INTS6L: variants seen among roughly 807,000 people sequenced by gnomAD.
INTS6L encodes the protein integrator complex subunit 6 like.
INTS6L carries 18 observed loss-of-function variants against 64.7 expected under a neutral mutation model. The ratio of observed to expected loss-of-function variants is 0.28; its 90% CI spans 0.19 to 0.41. The LOEUF (loss-of-function observed/expected upper bound fraction) is 0.41, where lower values mean the gene tolerates loss of function less well. INTS6L is among the 10% of genes least tolerant of loss of function. The pLI, the probability that INTS6L is intolerant of heterozygous loss-of-function variation, is 1.00. For missense variants in INTS6L, 533 were observed against 661.0 expected (o/e 0.81, Z 2.12); for synonymous variants, 227 against 235.9 (o/e 0.96, Z 0.34).
chrX:135,540,728 C>CCTT (rs1294788949), intron 2 of INTS6L, among the ~76,000 whole-genome samples: 1 of 107,240 alleles, frequency 9.3e-6, no homozygotes, highest in Non-Finnish European at 1.9e-5. Flanking sequence ...TCCTCCTCCT[C>CCTT]CTCCTCCTCC....
intron 2 of INTS6L, among the ~76,000 whole-genome samples, chrX:135,525,463 A>G: frequency 8.9e-6 from 1 of 112,524 alleles, no homozygotes; most frequent in Admixed American, 9.4e-5. Flanking sequence ...GAAATATCCT[A>G]AGTCTGTAAT....
At chrX:135,555,698 A>AT (rs782610838) in intron 8 of INTS6L, among the ~76,000 whole-genome samples, 21 of 110,867 alleles carry the variant, frequency 1.9e-4, no homozygotes, top group African/African-American at 5.6e-4. Context: ...ATTTAGTAGG[A>AT]TTTTTTTTGA....
At chrX:135,574,496 AT>A (rs374499784) in intron 13 of INTS6L, among the ~76,000 whole-genome samples, 83 of 112,015 alleles carry the variant, frequency 7.4e-4, no homozygotes, top group African/African-American at 2.3e-3. Context: ...AGAATACCTC[AT>A]TTAAATGAAA....
chrX:135,580,980 TG>T, intron 16 of INTS6L, 69 bp from the exon 17 acceptor site: 1 of 740,435 alleles, frequency 1.4e-6, no homozygotes, highest in Non-Finnish European at 1.9e-6. Flanking sequence ...TTACTAAGGA[TG>T]TACAACAATT....
intron 9 of INTS6L, among the ~76,000 whole-genome samples, chrX:135,561,109 G>C (rs1031222209): frequency 1.9e-5 from 2 of 107,390 alleles, no homozygotes; most frequent in Non-Finnish European, 3.9e-5. Context: ...GTACCACCCT[G>C]CCTGGCTAAT....
intron 2 of INTS6L, among the ~76,000 whole-genome samples, chrX:135,533,755 T>C (rs7065439): frequency 0.085 from 9,514 of 112,004 alleles, 660 homozygotes; most frequent in African/African-American, 0.22. Flanking sequence ...CTCCTGTCCA[T>C]GTATGTTTTT....
chrX:135,581,604 A>G lies in INTS6L; in HGVS notation c.2665A>G (p.Ile889Val), dbSNP rs782467522. Residue 889 changes from isoleucine to valine, a missense_variant, in exon 18 of 18, where the codon ATT (isoleucine) becomes GTT (valine). Physicochemically the swap from Ile to Val is conservative, Grantham distance 29. Transcript: ENST00000639893. The stretch of plus-strand genomic sequence containing the variant: ...AAATTCCCACCACCTTCACAACAAC[A>G]TTAGTCACATCAACAGCAGATCATC... ...KINSHHLHNNISHINSRSSC is the reference protein window; with the variant it reads ...KINSHHLHNNVSHINSRSSC 1.1e-5 allele frequency: 13 copies of G among 1,208,289 alleles called. No homozygotes were observed. Among genetic ancestry groups the G allele is most frequent in the Admixed American group, 4.4e-5 (2 of 45,669 alleles).
chrX:135,521,711 G>GCGAGGCGGGCCCGCCCCTT (rs2085565102), intron 2 of INTS6L, among the ~76,000 whole-genome samples: 1 of 103,265 alleles, frequency 9.7e-6, no homozygotes, highest in South Asian at 4.4e-4. Flanking sequence ...GAGGGAGGCT[G>GCGAGGCGGGCCCGCCCCTT]CGAGGCGGGC....
At chrX:135,546,977 C>T (rs1408478336) in intron 5 of INTS6L, 92 bp downstream of exon 5, 35 of 1,109,191 alleles carry the variant, frequency 3.2e-5, no homozygotes, top group Non-Finnish European at 4.1e-5. Flanking sequence ...ACTTGTTTTC[C>T]TTCAAAGCCT....
intron 2 of INTS6L, among the ~76,000 whole-genome samples, chrX:135,536,799 C>T (rs782127982): frequency 9.0e-6 from 1 of 111,605 alleles, no homozygotes; most frequent in African/African-American, 3.3e-5. Context: ...CATTTCCCTC[C>T]TCCACTTGAA....
In INTS6L at chrX:135,579,937, G is replaced by A. The variant is rs1556533405; in HGVS notation, c.2269G>A (p.Asp757Asn). 3.3e-6 allele frequency: 4 copies of A among 1,211,585 alleles called. No individual in the cohort carries two copies. The highest frequency in any genetic ancestry group is 1.8e-5 in the South Asian group (1 of 56,933). Residue 757 changes from aspartate to asparagine, a missense_variant, in exon 16 of 18, where the codon GAC becomes AAC. Coordinates refer to ENST00000639893, the MANE Select transcript of INTS6L (RefSeq NM_001351601.3). The part of the protein sequence containing the change: ...PPNQVDSLSD[D>N]FTSLSKDGLI... ...CAACCAAGTGGATTCTCTGTCTGACGACTTCACAAGTCTCAGCAAAGATGG... is the reference window on the plus strand; with the variant it reads ...CAACCAAGTGGATTCTCTGTCTGACAACTTCACAAGTCTCAGCAAAGATGG...
chrX:135,570,707 T>G (rs1274655260), intron 11 of INTS6L, 161 bp downstream of exon 11: 1 of 589,398 alleles, frequency 1.7e-6, no homozygotes, highest in African/African-American at 2.3e-5. Flanking sequence ...GCTTCACCAT[T>G]AAGCTGCAGT....
chrX:135,549,318 T>C (rs1206971934), intron 6 of INTS6L, among the ~76,000 whole-genome samples: 1 of 112,459 alleles, frequency 8.9e-6, no homozygotes, highest in Non-Finnish European at 1.9e-5. Context: ...CTGTAGTGTT[T>C]TGATGTTTTT....
chrX:135,527,182 T>C (rs1556501765), intron 2 of INTS6L, among the ~76,000 whole-genome samples: 1 of 111,897 alleles, frequency 8.9e-6, no homozygotes, highest in East Asian at 2.8e-4. Context: ...AATCCATCTC[T>C]CCCCTGCATG....
chrX:135,535,690 A>C (rs2086035108), intron 2 of INTS6L, among the ~76,000 whole-genome samples: 1 of 112,232 alleles, frequency 8.9e-6, no homozygotes, highest in Admixed American at 9.4e-5. Context: ...TTTTCCCCAA[A>C]CTTATGGAGA....
intron 9 of INTS6L, among the ~76,000 whole-genome samples, chrX:135,559,274 C>T (rs1253911684): frequency 8.9e-6 from 1 of 111,958 alleles, no homozygotes; most frequent in African/African-American, 3.3e-5. Context: ...GGCCCTATTA[C>T]AGCCACATCT....
At chrX:135,567,362 G>C (rs1020540862) in intron 9 of INTS6L, among the ~76,000 whole-genome samples, 21 of 111,702 alleles carry the variant, frequency 1.9e-4, no homozygotes, top group Middle Eastern at 9.2e-3. Context: ...TACCATCCTA[G>C]AGAGTCCATG....
chrX:135,556,131 A>T, intron 8 of INTS6L, 37 bp from the exon 9 acceptor site: 1 of 1,124,976 alleles, frequency 8.9e-7, no homozygotes, highest in East Asian at 3.2e-5. Flanking sequence ...TAAAATCCTT[A>T]TTGTCATCAC....
intron 8 of INTS6L, among the ~76,000 whole-genome samples, chrX:135,553,168 C>CAG (rs201121949): frequency 0.083 from 9,272 of 111,579 alleles, 663 homozygotes; most frequent in African/African-American, 0.22. Context: ...TATATACTTT[C>CAG]AGAGAGAGAT....
Sources: gnomAD v4.1 joint callset for allele counts (sites outside exome capture counted in the v4.1 genomes callset) on GRCh38, gnomAD v4.1.1 for gene constraint, MANE v1.5 for transcripts, NCBI Gene and HGNC (gene_info 2026-07-23, HGNC 2026-07-21) for gene names.